Variants in LRRFIP2 observed in about 807,000 individuals in gnomAD.
LRRFIP2 encodes LRR binding FLII interacting protein 2, also known as leucine-rich repeat flightless-interacting protein 2.
Under a neutral mutation model 125.9 loss-of-function variants are expected in LRRFIP2, and 109 were observed. The ratio of observed to expected loss-of-function variants is 0.87; its 90% CI spans 0.74 to 1.01. The LOEUF (loss-of-function observed/expected upper bound fraction) is 1.01, where lower values mean the gene tolerates loss of function less well. Ranked by LOEUF, LRRFIP2 falls within the 50% of genes least tolerant of loss-of-function variation. The pLI, the probability that LRRFIP2 is intolerant of heterozygous loss-of-function variation, is 0.00. For missense variants in LRRFIP2, 850 were observed against 862.3 expected (o/e 0.99, Z 0.18); for synonymous variants, 291 against 293.1 (o/e 0.99, Z 0.07).
chr3:37,148,002 T>C (rs1016282077), intron 2 of LRRFIP2, among the ~76,000 whole-genome samples: 1 of 152,130 alleles, frequency 6.6e-6, no homozygotes, highest in Non-Finnish European at 1.5e-5. Context: ...ACTGCAATGT[T>C]TCAAAAAATA....
At chr3:37,131,036 A>T (rs1307260492) in intron 2 of LRRFIP2, among the ~76,000 whole-genome samples, 1 of 152,188 alleles carries the variant, frequency 6.6e-6, no homozygotes, top group Non-Finnish European at 1.5e-5. Flanking sequence ...AAGGCATTAC[A>T]TTTGTAGGTG....
chr3:37,145,848 A>G (rs1391628368), intron 2 of LRRFIP2, among the ~76,000 whole-genome samples: 2 of 152,212 alleles, frequency 1.3e-5, no homozygotes, highest in Non-Finnish European at 2.9e-5. Flanking sequence ...TCCTGGCTCT[A>G]CTATTTCCTA....
intron 15 of LRRFIP2, among the ~76,000 whole-genome samples, chr3:37,100,429 TGTATAC>T (rs758351474): frequency 3.9e-4 from 50 of 128,806 alleles, no homozygotes; most frequent in African/African-American, 1.2e-3. Context: ...CATACATATA[TGTATAC>T]ACATGTGTGT....
chr3:37,165,104 G>A (rs1245315145), intron 1 of LRRFIP2, among the ~76,000 whole-genome samples: 1 of 151,880 alleles, frequency 6.6e-6, no homozygotes, highest in South Asian at 2.1e-4. Flanking sequence ...GCGTGGTGGT[G>A]AGCGCCTATA....
In LRRFIP2 at chr3:37,145,269, T is replaced by A. The variant is rs558580747; in HGVS notation, c.90+3625A>T. Among the ~76,000 whole-genome samples the A allele has an allele frequency of 6.6e-5, 10 of 152,320 alleles. No homozygotes were observed. In the South Asian group the frequency reaches 1.2e-3, roughly 19 times the overall value. ...TGATGTCAAACAACTATATCTTCCATTTACTCGGAGACCTTTTGACAGCAA... is the reference window on the plus strand; with the variant it reads ...TGATGTCAAACAACTATATCTTCCAATTACTCGGAGACCTTTTGACAGCAA... On this transcript the variant is annotated intron_variant, in intron 2 of 27. Coordinates refer to ENST00000336686, the MANE Select transcript of LRRFIP2 (RefSeq NM_006309.4).
At chr3:37,068,509 A>C (rs1328224969) in intron 21 of LRRFIP2, 1 of 152,214 alleles carries the variant, frequency 6.6e-6, no homozygotes, top group Non-Finnish European at 1.5e-5. Flanking sequence ...ACTTCACCAC[A>C]AAGTTTGAAG....
intron 15 of LRRFIP2, 125 bp downstream of exon 15, chr3:37,102,799 G>C (rs1291053177): frequency 6.1e-6 from 4 of 660,858 alleles, no homozygotes; most frequent in Non-Finnish European, 9.9e-6. Flanking sequence ...ACCATGCCCG[G>C]CCCAAACAAA....
intron 24 of LRRFIP2, among the ~76,000 whole-genome samples, chr3:37,061,868 G>A (rs2088853026): frequency 6.6e-6 from 1 of 152,076 alleles, no homozygotes; most frequent in Admixed American, 6.6e-5. Flanking sequence ...ACACAATTTA[G>A]TTCCATGTAT....
intron 3 of LRRFIP2, among the ~76,000 whole-genome samples, chr3:37,128,493 G>A (rs1375012305): frequency 6.6e-6 from 1 of 151,992 alleles, no homozygotes; most frequent in African/African-American, 2.4e-5. Context: ...AGTATAGAAA[G>A]AAAGAAAAAC....
intron 2 of LRRFIP2, among the ~76,000 whole-genome samples, chr3:37,141,768 G>A (rs2095707749): frequency 6.6e-6 from 1 of 152,154 alleles, no homozygotes; most frequent in African/African-American, 2.4e-5. Flanking sequence ...AGTCTCAGTA[G>A]CATCAGACAT....
intron 19 of LRRFIP2, among the ~76,000 whole-genome samples, 189 bp downstream of exon 19, chr3:37,083,447 A>G (rs1006859949): frequency 1.3e-5 from 2 of 152,204 alleles, no homozygotes; most frequent in African/African-American, 4.8e-5. Flanking sequence ...TTTCCTCAAG[A>G]AAATATTTTT....
At chr3:37,124,735 A>C (rs1282146399) in intron 4 of LRRFIP2, among the ~76,000 whole-genome samples, 1 of 152,180 alleles carries the variant, frequency 6.6e-6, no homozygotes, top group Non-Finnish European at 1.5e-5. Flanking sequence ...TCCACCAATT[A>C]CATAAGAAAA....
chr3:37,076,948 G>A (rs1405142043), intron 19 of LRRFIP2, among the ~76,000 whole-genome samples: 3 of 152,134 alleles, frequency 2.0e-5, no homozygotes, highest in Non-Finnish European at 4.4e-5. Context: ...ACAGTTTACA[G>A]AAAAAGAAAT....
chr3:37,160,629 A>G (rs2096312024), intron 1 of LRRFIP2, among the ~76,000 whole-genome samples: 1 of 151,924 alleles, frequency 6.6e-6, no homozygotes, highest in Non-Finnish European at 1.5e-5. Flanking sequence ...AAAATACAAA[A>G]TTAGCTGGGC....
At chr3:37,164,611 C>CA (rs1469830735) in intron 1 of LRRFIP2, among the ~76,000 whole-genome samples, 1 of 151,270 alleles carries the variant, frequency 6.6e-6, no homozygotes, top group Admixed American at 6.6e-5. Flanking sequence ...ATCTCAGCCA[C>CA]ATGGGAGGCA....
rs149256139 is a variant in LRRFIP2, at chr3:37,140,818, C to T, written c.90+8076G>A. ...AAGACTCATCATAAGGGTCCTTCCT[C>T]TTTTCTATCCTCCCTCCATATTCAG... is the stretch of plus-strand genomic sequence containing the variant. On this transcript the variant is annotated intron_variant, in intron 2 of 27. Coordinates refer to ENST00000336686, the MANE Select transcript of LRRFIP2 (RefSeq NM_006309.4). Among the ~76,000 whole-genome samples, 678 of 152,250 alleles carry T rather than the reference C, an allele frequency of 4.5e-3. 4 individuals carry two copies. Among genetic ancestry groups the T allele is most frequent in the Middle Eastern group, 0.037 (11 of 294 alleles).
chr3:37,065,818 C>G lies in LRRFIP2; in HGVS notation c.1691G>C (p.Gly564Ala). The change falls in exon 23 of 28, where the codon GGG (glycine) becomes GCG (alanine). Residue 564 changes from glycine (G) to alanine (A), a missense_variant. Gly to Ala is a moderately conservative substitution (Grantham distance 60). Transcript: ENST00000336686. ...AGCAACCAGTATCTTACCTAATGGC[C>G]CTTCTCCTGCTGACTCCAAGACCTG... is the stretch of plus-strand genomic sequence containing the variant. ...AAQVLESAGEGPLDVRLRKLA... is the reference protein window; with the variant it reads ...AAQVLESAGEAPLDVRLRKLA... 6.2e-7 allele frequency: 1 copy of G among 1,614,142 alleles called. No individual in the cohort carries two copies. The highest frequency in any genetic ancestry group is 8.5e-7 in the Non-Finnish European group (1 of 1,179,996).
At chr3:37,152,899 G>A (rs2096072255) in intron 1 of LRRFIP2, among the ~76,000 whole-genome samples, 1 of 152,070 alleles carries the variant, frequency 6.6e-6, no homozygotes, top group African/African-American at 2.4e-5. Context: ...GCTTTCCAAG[G>A]ACACAATGAA....
intron 17 of LRRFIP2, chr3:37,093,168 AG>A (rs2093552701): frequency 6.5e-6 from 1 of 153,196 alleles, no homozygotes; most frequent in Admixed American, 6.5e-5. Context: ...AAGGTGGAGA[AG>A]GAACAAATAA....
Sources: gnomAD v4.1 joint callset for allele counts (sites outside exome capture counted in the v4.1 genomes callset) on GRCh38, gnomAD v4.1.1 for gene constraint, MANE v1.5 for transcripts, NCBI Gene and HGNC (gene_info 2026-07-23, HGNC 2026-07-21) for gene names.